The following PCNX2 variants were observed in gnomAD, a reference collection of about 807,000 sequenced individuals.
PCNX2 encodes pecanex 2.
Under a neutral mutation model 223.8 loss-of-function variants are expected in PCNX2, and 168 were observed. That is an observed-to-expected ratio of 0.75 (90% CI 0.66 to 0.85). The LOEUF is 0.85. Among genes scored for constraint, PCNX2 ranks in the 40% least tolerant of loss-of-function variants. The probability of loss-of-function intolerance (pLI) is 0.00; values close to 1 mark genes in which losing one functional copy is unlikely to be tolerated. For synonymous variants in PCNX2, 1,006 were observed against 1,052.6 expected (o/e 0.96, Z 0.86); for missense variants, 2,507 against 2,675.5 (o/e 0.94, Z 1.39).
At chr1:232,995,654 G>A (rs182880789) in intron 32 of PCNX2, among the ~76,000 whole-genome samples, 1 of 142,430 alleles carries the variant, frequency 7.0e-6, no homozygotes, top group African/African-American at 2.6e-5. Flanking sequence ...TGATTGTATA[G>A]TTTGATTATT....
chr1:233,255,549 A>T (rs1482538150), intron 5 of PCNX2, among the ~76,000 whole-genome samples: 3 of 152,218 alleles, frequency 2.0e-5, no homozygotes, highest in Admixed American at 2.0e-4. Context: ...ATTGTGTCAA[A>T]CAAAAAAGCA....
At chr1:232,996,684 C>T (rs891961585) in intron 32 of PCNX2, among the ~76,000 whole-genome samples, 1 of 152,172 alleles carries the variant, frequency 6.6e-6, no homozygotes, top group Non-Finnish European at 1.5e-5. Context: ...TCTCCCCAAA[C>T]TCATATGCCA....
In PCNX2 at chr1:232,984,135, T is replaced by TTA; in HGVS notation, c.*168_*169insTA. On this transcript the variant is annotated 3_prime_UTR_variant, in exon 34 of 34. Transcript: ENST00000258229. ...TTTTTTTTTTTTTTTTTTTTTTTTT[T>TTA]CAAAAACCTGAGATCAGTTCTGTGT... The TTA allele has an allele frequency of 8.3e-6, 1 of 119,948 alleles. No individual in the cohort carries two copies. Among genetic ancestry groups the TTA allele is most frequent in the East Asian group, 1.7e-4 (1 of 5,808 alleles). The allele number at this position is 119,948 out of a possible 1,614,324, so 7.4% of individuals were successfully genotyped here.
At chr1:233,159,994 T>C (rs1678367934) in intron 19 of PCNX2, among the ~76,000 whole-genome samples, 1 of 152,220 alleles carries the variant, frequency 6.6e-6, no homozygotes, top group Admixed American at 6.5e-5. Flanking sequence ...TTTTCCACAA[T>C]ACCAATAGCC....
At chr1:232,992,291 C>T (rs1669729431) in intron 32 of PCNX2, among the ~76,000 whole-genome samples, 1 of 152,202 alleles carries the variant, frequency 6.6e-6, no homozygotes, top group Non-Finnish European at 1.5e-5. Flanking sequence ...CCTCCCTGAC[C>T]ACAGTGAGAA....
chr1:233,141,744 T>C (rs1165241450), intron 19 of PCNX2, among the ~76,000 whole-genome samples: 3 of 148,900 alleles, frequency 2.0e-5, no homozygotes, highest in Non-Finnish European at 4.4e-5. Flanking sequence ...TATATATATA[T>C]ATGGGTATAT....
At chr1:233,214,515 G>C (rs1435072293) in intron 12 of PCNX2, among the ~76,000 whole-genome samples, 2 of 152,284 alleles carry the variant, frequency 1.3e-5, no homozygotes, top group Non-Finnish European at 2.9e-5. Flanking sequence ...TAGAGGGGAG[G>C]GGGGAAATCG....
chr1:233,031,073 T>TA (rs1254922251), intron 25 of PCNX2, among the ~76,000 whole-genome samples: 1 of 152,244 alleles, frequency 6.6e-6, no homozygotes, highest in African/African-American at 2.4e-5. Flanking sequence ...GTGGAGGCAG[T>TA]AATGAAGCTC....
At chr1:233,264,885 GA>G (rs1042851309) in intron 1 of PCNX2, among the ~76,000 whole-genome samples, 1 of 152,172 alleles carries the variant, frequency 6.6e-6, no homozygotes, top group Non-Finnish European at 1.5e-5. Context: ...TTAATTTGAA[GA>G]GGGTAAGAAG....
At chr1:233,053,345 C>T (rs1045152448) in intron 25 of PCNX2, among the ~76,000 whole-genome samples, 2 of 152,088 alleles carry the variant, frequency 1.3e-5, no homozygotes, top group African/African-American at 4.8e-5. Context: ...CTTCCTCCTG[C>T]TCTCCTCTCC....
At chr1:233,170,664 A>G (rs1679097805) in intron 17 of PCNX2, among the ~76,000 whole-genome samples, 1 of 152,200 alleles carries the variant, frequency 6.6e-6, no homozygotes, top group African/African-American at 2.4e-5. Flanking sequence ...TTCCATTATT[A>G]TGACTCTAAG....
chr1:233,246,162 CCTTCA>C (rs1459599549), intron 8 of PCNX2, among the ~76,000 whole-genome samples: 3 of 151,924 alleles, frequency 2.0e-5, no homozygotes, highest in Non-Finnish European at 2.9e-5. Flanking sequence ...GGATAAATGC[CCTTCA>C]GATGGGATAA....
intron 21 of PCNX2, among the ~76,000 whole-genome samples, chr1:233,106,594 C>T (rs1367002763): frequency 3.3e-5 from 5 of 151,858 alleles, no homozygotes; most frequent in Admixed American, 6.6e-5. Flanking sequence ...CCTCGTGATC[C>T]GCCCGCCTCA....
chr1:233,321,754 G>C, the PCNX2 span, among the ~76,000 whole-genome samples: 1 of 152,202 alleles, frequency 6.6e-6, no homozygotes, highest in African/African-American at 2.4e-5. Context: ...ACATTTTAAA[G>C]TGAACCTGGC....
At chr1:233,295,938 C>G (rs1332858408), upstream of PCNX2, among the ~76,000 whole-genome samples, 1 of 145,558 alleles carries the variant, frequency 6.9e-6, no homozygotes, top group Non-Finnish European at 1.5e-5. This position sits in a 1 kb window ranked among gnomAD's most constrained non-coding sequence, Gnocchi z 4.1. Flanking sequence ...CTCTTTCTTC[C>G]TTCCTTCCTT....
intron 32 of PCNX2, among the ~76,000 whole-genome samples, chr1:232,987,500 T>A (rs1278915351): frequency 6.6e-6 from 1 of 152,204 alleles, no homozygotes; most frequent in Non-Finnish European, 1.5e-5. Flanking sequence ...ATGAACGGCA[T>A]CATGGGCATA....
intron 25 of PCNX2, among the ~76,000 whole-genome samples, chr1:233,040,620 C>T (rs1409475967): frequency 1.3e-5 from 2 of 152,144 alleles, no homozygotes; most frequent in Non-Finnish European, 2.9e-5. Flanking sequence ...ATTGCCATCT[C>T]CTATGGCCTC....
chr1:233,033,123 C>CT, intron 25 of PCNX2: 1 of 985,440 alleles, frequency 1.0e-6, no homozygotes. Context: ...GCTGGCAAGG[C>CT]TGTCTCTGTC....
At chr1:233,225,110 TAAAAAAAAAAAAA>T (rs71173259) in intron 10 of PCNX2, among the ~76,000 whole-genome samples, 4 of 42,218 alleles carry the variant, frequency 9.5e-5, no homozygotes, top group Non-Finnish European at 1.8e-4. Context: ...AGAACTAAAG[TAAAAAAAAAAAAA>T]AAAAAAAAAA....
Sources: gnomAD v4.1 joint callset for allele counts (sites outside exome capture counted in the v4.1 genomes callset) on GRCh38, gnomAD v4.1.1 for gene constraint, Gnocchi (gnomAD v3.1) non-coding constraint, MANE v1.5 for transcripts, NCBI Gene and HGNC (gene_info 2026-07-23, HGNC 2026-07-21) for gene names.